Variants in ANKRD28 observed in about 807,000 individuals in gnomAD.
The protein encoded by ANKRD28 is serine/threonine-protein phosphatase 6 regulatory ankyrin repeat subunit A.
ANKRD28 carries 44 observed loss-of-function variants against 126.5 expected under a neutral mutation model. That is an observed-to-expected ratio of 0.35 (90% CI 0.27 to 0.45). The LOEUF (loss-of-function observed/expected upper bound fraction) is 0.45. Ranked by LOEUF, ANKRD28 falls within the 20% of genes least tolerant of loss-of-function variation. The pLI is 1.00. For synonymous variants in ANKRD28, 442 were observed against 468.5 expected, an observed-to-expected ratio of 0.94 and a Z score of 0.73; for missense variants, 1,110 against 1,316.6, an observed-to-expected ratio of 0.84 and a Z score of 2.43.
intron 7 of ANKRD28, among the ~76,000 whole-genome samples, chr3:15,721,615 T>C (rs529893290): frequency 1.3e-5 from 2 of 152,352 alleles, no homozygotes; most frequent in East Asian, 3.9e-4. Flanking sequence ...GAACGGCATG[T>C]TCTATTTATT....
chr3:15,764,414 G>A (rs2058640355), intron 3 of ANKRD28, among the ~76,000 whole-genome samples: 1 of 151,844 alleles, frequency 6.6e-6, no homozygotes, highest in Non-Finnish European at 1.5e-5. Context: ...CATACTTACA[G>A]AAACCAGGAA....
chr3:15,777,897 CACACA>C (rs1416288026), intron 2 of ANKRD28, among the ~76,000 whole-genome samples: 97 of 150,838 alleles, frequency 6.4e-4, no homozygotes, highest in African/African-American at 1.6e-3. Context: ...CACACACACA[CACACA>C]CCCTCTCCGC....
chr3:15,669,860 C>T lies in ANKRD28; in HGVS notation c.*410G>A, dbSNP rs925504601. On this transcript the variant is annotated 3_prime_UTR_variant, in exon 28 of 28. Transcript: ENST00000683139. ...TTTGCAATTTGCTGTGCACATAATGCCTACTGTACCAAACTTTTATTGCCT... is the reference window on the plus strand; with the variant it reads ...TTTGCAATTTGCTGTGCACATAATGTCTACTGTACCAAACTTTTATTGCCT... The T allele has an allele frequency of 6.4e-6, 1 of 157,214 alleles. No homozygotes were observed. Among genetic ancestry groups the T allele is most frequent in the Middle Eastern group, 3.1e-3 (1 of 326 alleles). 9.7% of individuals were successfully genotyped at this position (157,214 alleles called of 1,614,324 possible). A position where few individuals can be genotyped will look rare whatever the true frequency, so the allele number is the denominator to read the frequency against.
chr3:15,824,434 G>A (rs1559575955), intron 1 of ANKRD28, among the ~76,000 whole-genome samples: 1 of 152,154 alleles, frequency 6.6e-6, no homozygotes, highest in Non-Finnish European at 1.5e-5. Flanking sequence ...GGGATTATAG[G>A]TGTGAGCTAC....
At chr3:15,722,135 T>C (rs529857132) in intron 7 of ANKRD28, among the ~76,000 whole-genome samples, 1 of 152,310 alleles carries the variant, frequency 6.6e-6, no homozygotes, top group South Asian at 2.1e-4. Context: ...GGTCTGTCCT[T>C]TGCCCCTGGC....
intron 3 of ANKRD28, among the ~76,000 whole-genome samples, chr3:15,763,145 T>G (rs1231272899): frequency 6.6e-6 from 1 of 152,234 alleles, no homozygotes; most frequent in African/African-American, 2.4e-5. Flanking sequence ...CCATGTAAGT[T>G]TTTGTTTTAT....
chr3:15,833,544 T>A lies in ANKRD28; in HGVS notation c.27+25833A>T, dbSNP rs1016104470. Among the ~76,000 whole-genome samples, 1 of 148,962 alleles carries A rather than the reference T, an allele frequency of 6.7e-6. No individual in the cohort carries two copies. Among genetic ancestry groups the A allele is most frequent in the African/African-American group, 2.4e-5 (1 of 40,916 alleles). On this transcript the variant is annotated intron_variant, in intron 1 of 27. Coordinates refer to the ANKRD28 transcript ENST00000399451. This position sits in a 1 kb window ranked among gnomAD's most constrained non-coding sequence, Gnocchi z 4.4. ...ATATATAAAATATATACATTATTTT[T>A]TATATATATAATGTGTGTGTGTATA... is the stretch of plus-strand genomic sequence containing the variant.
intron 1 of ANKRD28, among the ~76,000 whole-genome samples, chr3:15,841,910 G>A (rs1180843206): frequency 6.6e-6 from 1 of 151,958 alleles, no homozygotes; most frequent in African/African-American, 2.4e-5. Flanking sequence ...ACTACCATAT[G>A]ATCCAGTAAT....
At chr3:15,724,273 T>C (rs544582724) in intron 7 of ANKRD28, 109 bp downstream of exon 7, 3 of 975,816 alleles carry the variant, frequency 3.1e-6, no homozygotes, top group African/African-American at 1.6e-5. Context: ...AATTAAAACA[T>C]GAAAACATTG....
At chr3:15,714,478 G>A (rs2072747132) in intron 9 of ANKRD28, 100 bp downstream of exon 9, 1 of 823,428 alleles carries the variant, frequency 1.2e-6, no homozygotes, top group Non-Finnish European at 1.8e-6. Flanking sequence ...TACACAAAAT[G>A]CGATGACAAT....
chr3:15,689,674 A>G (rs566994984), intron 18 of ANKRD28, among the ~76,000 whole-genome samples: 11 of 152,180 alleles, frequency 7.2e-5, no homozygotes, highest in Non-Finnish European at 1.3e-4. Flanking sequence ...TAGTTAATAA[A>G]TCTATTTTTA....
chr3:15,694,882 A>C (rs1478357223), intron 16 of ANKRD28, 69 bp from the exon 17 acceptor site: 6 of 1,384,854 alleles, frequency 4.3e-6, no homozygotes, highest in Non-Finnish European at 6.2e-6. Context: ...CCACCCACCC[A>C]GTTCAAATCC....
At chr3:15,714,545 A>AAC (rs1553604455) in intron 9 of ANKRD28, 33 bp downstream of exon 9, 5 of 1,502,798 alleles carry the variant, frequency 3.3e-6, no homozygotes, top group Non-Finnish European at 4.5e-6. Flanking sequence ...AAAAAAAAAA[A>AAC]AACCCCAAAA....
At chr3:15,776,781 A>G (rs895056185) in intron 2 of ANKRD28, among the ~76,000 whole-genome samples, 3 of 152,354 alleles carry the variant, frequency 2.0e-5, no homozygotes, top group Admixed American at 6.5e-5. Flanking sequence ...AAAAAGTTAA[A>G]AGGAGGAGGA....
intron 13 of ANKRD28, among the ~76,000 whole-genome samples, chr3:15,708,294 G>A (rs995314232): frequency 1.4e-4 from 21 of 152,046 alleles, no homozygotes; most frequent in Non-Finnish European, 8.8e-5. Flanking sequence ...TTATTTCATC[G>A]CCTCCAGGCA....
At chr3:15,856,134 G>A (rs1307715540) in intron 1 of ANKRD28, among the ~76,000 whole-genome samples, 2 of 152,040 alleles carry the variant, frequency 1.3e-5, no homozygotes, top group African/African-American at 2.4e-5. Context: ...ACTTGCCAAC[G>A]TTTACAAATA....
chr3:15,840,366 C>T (rs1426210424), intron 1 of ANKRD28, among the ~76,000 whole-genome samples: 1 of 151,970 alleles, frequency 6.6e-6, no homozygotes, highest in Non-Finnish European at 1.5e-5. Context: ...TTATAAAACA[C>T]TGATGCAAAA....
At chr3:15,829,753 C>A (rs1056615938) in intron 1 of ANKRD28, among the ~76,000 whole-genome samples, 15 of 152,102 alleles carry the variant, frequency 9.9e-5, no homozygotes, top group African/African-American at 3.4e-4. Flanking sequence ...CAGATTTACT[C>A]AAATTCTAAT....
intron 10 of ANKRD28, among the ~76,000 whole-genome samples, chr3:15,712,631 AT>A (rs767075618): frequency 9.2e-5 from 14 of 152,208 alleles, no homozygotes; most frequent in African/African-American, 3.1e-4. Context: ...TCACCCCACC[AT>A]TGAAACATTT....
Sources: gnomAD v4.1 joint callset for allele counts (sites outside exome capture counted in the v4.1 genomes callset) on GRCh38, gnomAD v4.1.1 for gene constraint, Gnocchi (gnomAD v3.1) non-coding constraint, MANE v1.5 for transcripts, NCBI Gene and HGNC (gene_info 2026-07-23, HGNC 2026-07-21) for gene names.